Variants in EFCAB13 observed in about 807,000 individuals in gnomAD.
EFCAB13 encodes the protein EF-hand calcium-binding domain-containing protein 13.
A neutral mutation model predicts 110.2 loss-of-function variants in EFCAB13; 91 were observed. The observed-to-expected ratio is 0.83, with a 90% CI of 0.70 to 0.98. The LOEUF is 0.98. Among genes scored for constraint, EFCAB13 ranks in the 50% least tolerant of loss-of-function variants. EFCAB13 has a pLI of 0.00. For missense variants in EFCAB13, 968 were observed against 1,119.4 expected, an observed-to-expected ratio of 0.86 and a Z score of 1.93; for synonymous variants, 323 against 369.9, an observed-to-expected ratio of 0.87 and a Z score of 1.45.
intron 22 of EFCAB13, among the ~76,000 whole-genome samples, chr17:47,413,815 C>A (rs1194035944): frequency 6.6e-6 from 1 of 151,712 alleles, no homozygotes. Flanking sequence ...ATTTTAATTT[C>A]TTTTTTAAAA....
intron 11 of EFCAB13, among the ~76,000 whole-genome samples, chr17:47,373,815 T>G (rs1251908153): frequency 6.6e-6 from 1 of 152,160 alleles, no homozygotes; most frequent in Non-Finnish European, 1.5e-5. Context: ...AGGCAAAATT[T>G]ATTCATAGTT....
intron 11 of EFCAB13, among the ~76,000 whole-genome samples, chr17:47,373,875 C>A (rs2065599011): frequency 6.6e-6 from 1 of 151,914 alleles, no homozygotes; most frequent in African/African-American, 2.4e-5. Context: ...TTTTGAGGAT[C>A]AAATATTATA....
At chr17:47,333,189 G>C (rs755279655) in intron 4 of EFCAB13, among the ~76,000 whole-genome samples, 2 of 152,170 alleles carry the variant, frequency 1.3e-5, no homozygotes, top group Non-Finnish European at 2.9e-5. Flanking sequence ...CTAATAATTA[G>C]TGATATTGAG....
intron 8 of EFCAB13, among the ~76,000 whole-genome samples, chr17:47,346,767 T>C (rs756524185): frequency 8.5e-5 from 13 of 152,200 alleles, no homozygotes; most frequent in Non-Finnish European, 7.3e-5. Flanking sequence ...GATTTTCTTC[T>C]GCTTTCTCAA....
At chr17:47,327,980 C>A (rs2065297063) in intron 3 of EFCAB13, 3 of 378,704 alleles carry the variant, frequency 7.9e-6, no homozygotes, top group Non-Finnish European at 1.4e-5. Context: ...AGTTCTGCTT[C>A]TCAGGGTTTA....
At chr17:47,377,100 T>C (rs1303310330) in intron 12 of EFCAB13, among the ~76,000 whole-genome samples, 3 of 152,156 alleles carry the variant, frequency 2.0e-5, no homozygotes, top group Non-Finnish European at 4.4e-5. Context: ...TCTACATTTT[T>C]GCTTGGAATT....
intron 17 of EFCAB13, among the ~76,000 whole-genome samples, chr17:47,396,265 C>T (rs1311670086): frequency 6.6e-6 from 1 of 151,946 alleles, no homozygotes; most frequent in East Asian, 1.9e-4. Flanking sequence ...CCAATGAACA[C>T]AGAGGGCATG....
chr17:47,368,092 C>T (rs773588268), intron 10 of EFCAB13, among the ~76,000 whole-genome samples: 2 of 152,142 alleles, frequency 1.3e-5, no homozygotes, highest in African/African-American at 4.8e-5. Context: ...AGTGGCAGAA[C>T]AGCAGAATCT....
In EFCAB13 at chr17:47,377,901, A is replaced by G. The variant is rs768413670; in HGVS notation, c.1508A>G (p.Asn503Ser). 1 of 1,583,936 alleles carries G rather than the reference A, an allele frequency of 6.3e-7. No homozygotes were observed. Among genetic ancestry groups the G allele is most frequent in the East Asian group, 2.3e-5 (1 of 43,752 alleles). ...FQKIVTDTSR[N>S]ENGMVELDDF... ...AAGATTGTGACAGACACTAGTAGAA[A>G]TGGTGAGAGACTGATAACACTGAAG... The change falls in exon 13 of 25, where the codon AAT (asparagine) becomes AGT (serine). Residue 503 changes from asparagine (N) to serine (S), a missense_variant and splice_region_variant. By Grantham distance (46) the Asn-to-Ser change is conservative. Coordinates refer to ENST00000331493, the MANE Select transcript of EFCAB13 (RefSeq NM_152347.5).
At chr17:47,393,136 C>G (rs2065717204) in intron 15 of EFCAB13, among the ~76,000 whole-genome samples, 1 of 152,090 alleles carries the variant, frequency 6.6e-6, no homozygotes, top group African/African-American at 2.4e-5. Context: ...CCTCAAACTC[C>G]TGGGCTCAAG....
chr17:47,331,508 G>C (rs116425064), intron 4 of EFCAB13, among the ~76,000 whole-genome samples: 499 of 152,138 alleles, frequency 3.3e-3, no homozygotes, highest in African/African-American at 0.012. Flanking sequence ...TACATGCACA[G>C]CTTACCCTGC....
At chr17:47,350,656 T>C (rs2065444658) in intron 9 of EFCAB13, among the ~76,000 whole-genome samples, 1 of 152,150 alleles carries the variant, frequency 6.6e-6, no homozygotes, top group Non-Finnish European at 1.5e-5. Context: ...TTAACAGTAC[T>C]TTCTTCCTTT....
intron 9 of EFCAB13, among the ~76,000 whole-genome samples, chr17:47,355,570 ATTTTTTTTTT>A (rs71365066): frequency 8.3e-6 from 1 of 120,346 alleles, no homozygotes; most frequent in East Asian, 2.4e-4. Context: ...GGCTTTGTTC[ATTTTTTTTTT>A]TTTTTTTTTT....
intron 5 of EFCAB13, among the ~76,000 whole-genome samples, chr17:47,335,710 T>C (rs1275798443): frequency 6.6e-6 from 1 of 152,110 alleles, no homozygotes; most frequent in Non-Finnish European, 1.5e-5. Context: ...CTTAGAATCA[T>C]GGTGGAAGGG....
At chr17:47,427,507 T>C (rs1170728431) in intron 23 of EFCAB13, among the ~76,000 whole-genome samples, 1 of 152,078 alleles carries the variant, frequency 6.6e-6, no homozygotes, top group South Asian at 2.1e-4. Flanking sequence ...TTCATAGCGT[T>C]AATTCCTTTT....
chr17:47,371,117 T>C (rs2065582278), intron 11 of EFCAB13, among the ~76,000 whole-genome samples: 1 of 151,088 alleles, frequency 6.6e-6, no homozygotes, highest in Admixed American at 6.6e-5. Context: ...TCCTTATAAA[T>C]TCTGGATATT....
At chr17:47,361,301 A>T in intron 9 of EFCAB13, 77 bp from the exon 10 acceptor site, 2 of 1,351,724 alleles carry the variant, frequency 1.5e-6, no homozygotes, top group Non-Finnish European at 2.1e-6. Context: ...TTCCCTTAGT[A>T]GGCTATTGAC....
At chr17:47,356,591 G>A (rs2065481887) in intron 9 of EFCAB13, among the ~76,000 whole-genome samples, 1 of 152,190 alleles carries the variant, frequency 6.6e-6, no homozygotes, top group African/African-American at 2.4e-5. Flanking sequence ...AGGTCTCTCA[G>A]CCGTGAATAC....
intron 14 of EFCAB13, among the ~76,000 whole-genome samples, chr17:47,386,192 C>G (rs2065674950): frequency 6.6e-6 from 1 of 152,198 alleles, no homozygotes; most frequent in Non-Finnish European, 1.5e-5. Flanking sequence ...ATCTGCTGCT[C>G]TCTTCAGAGT....
Sources: gnomAD v4.1 joint callset for allele counts (sites outside exome capture counted in the v4.1 genomes callset) on GRCh38, gnomAD v4.1.1 for gene constraint, MANE v1.5 for transcripts, NCBI Gene and HGNC (gene_info 2026-07-23, HGNC 2026-07-21) for gene names.